GUCA1C: variants seen among roughly 807,000 people sequenced by gnomAD.
GUCA1C encodes guanylate cyclase activator 1C, also known as guanylyl cyclase-activating protein 3.
Under a neutral mutation model 16.2 loss-of-function variants are expected in GUCA1C, and 15 were observed. The observed-to-expected ratio is 0.93, with a 90% CI of 0.62 to 1.43. The LOEUF (loss-of-function observed/expected upper bound fraction) is 1.43, where lower values mean the gene tolerates loss of function less well. Ranked by LOEUF, GUCA1C falls within the 40% of genes most tolerant of loss-of-function variation. The pLI is 0.00. For missense variants in GUCA1C, 275 were observed against 244.8 expected (o/e 1.12, Z -0.82); for synonymous variants, 78 against 85.4 (o/e 0.91, Z 0.48).
upstream of GUCA1C, chr3:108,953,940 C>G (rs2075766): frequency 0.15 from 89,982 of 584,192 alleles, 8,022 homozygotes; most frequent in Admixed American, 0.22. Context: ...ACTTATCTGC[C>G]CAGTTTTAAA....
At chr3:108,931,933 A>T (rs1159698889) in intron 1 of GUCA1C, among the ~76,000 whole-genome samples, 6 of 144,924 alleles carry the variant, frequency 4.1e-5, no homozygotes, top group African/African-American at 1.5e-4. Context: ...CAGTAGTGCA[A>T]TCTGGCCTCC....
chr3:108,931,093 C>T (rs570680211), intron 1 of GUCA1C, among the ~76,000 whole-genome samples: 1 of 152,284 alleles, frequency 6.6e-6, no homozygotes, highest in Admixed American at 6.5e-5. Flanking sequence ...TGTGAATTTA[C>T]CAAAGAGTCA....
intron 1 of GUCA1C, among the ~76,000 whole-genome samples, chr3:108,951,420 AT>A (rs1437881896): frequency 6.6e-6 from 1 of 152,224 alleles, no homozygotes; most frequent in East Asian, 1.9e-4. Context: ...ACACAATAAA[AT>A]TCATTTTAAA....
At chr3:108,932,274 G>T (rs1194217698) in intron 1 of GUCA1C, among the ~76,000 whole-genome samples, 2 of 139,758 alleles carry the variant, frequency 1.4e-5, no homozygotes, top group Non-Finnish European at 3.0e-5. Context: ...TTCCTTGCAT[G>T]AGAATCATAT....
At chr3:108,915,733 A>T (rs1220577060) in intron 3 of GUCA1C, among the ~76,000 whole-genome samples, 1 of 152,194 alleles carries the variant, frequency 6.6e-6, no homozygotes, top group African/African-American at 2.4e-5. Context: ...AGTTTTCTGC[A>T]GTAGGGAAAA....
chr3:108,914,775 T>A (rs1223702585), intron 3 of GUCA1C, among the ~76,000 whole-genome samples: 4 of 152,164 alleles, frequency 2.6e-5, no homozygotes, highest in Non-Finnish European at 5.9e-5. Flanking sequence ...ATGACCACGA[T>A]TTTCAGTGGC....
chr3:108,925,737 A>G (rs1364168988), intron 1 of GUCA1C, among the ~76,000 whole-genome samples: 2 of 152,182 alleles, frequency 1.3e-5, no homozygotes, highest in Non-Finnish European at 2.9e-5. Context: ...GTCCTCCGCT[A>G]TTATTGTGTT....
intron 2 of GUCA1C, among the ~76,000 whole-genome samples, chr3:108,919,274 G>C (rs1461442623): frequency 1.3e-5 from 2 of 151,590 alleles, no homozygotes; most frequent in African/African-American, 4.9e-5. Flanking sequence ...AATGCATTAA[G>C]CATTAAGAAA....
chr3:108,929,240 T>C (rs559999309), intron 1 of GUCA1C, among the ~76,000 whole-genome samples: 64 of 152,322 alleles, frequency 4.2e-4, no homozygotes, highest in Non-Finnish European at 5.4e-4. Flanking sequence ...TGCTGGTATA[T>C]AGGAAAGTGA....
chr3:108,910,300 C>G (rs568091033), intron 3 of GUCA1C, among the ~76,000 whole-genome samples: 11 of 152,158 alleles, frequency 7.2e-5, no homozygotes, highest in Admixed American at 4.6e-4. Flanking sequence ...AGTTCCAGAC[C>G]AGTCTGGCCA....
At chr3:108,952,830 G>T (rs1946907755) in intron 1 of GUCA1C, among the ~76,000 whole-genome samples, 1 of 151,638 alleles carries the variant, frequency 6.6e-6, no homozygotes, top group Admixed American at 6.6e-5. Flanking sequence ...GGCAGAACCT[G>T]AGCCTGATAT....
chr3:108,920,716 T>A (rs1466392188), intron 1 of GUCA1C, 131 bp from the exon 2 acceptor site: 2 of 568,278 alleles, frequency 3.5e-6, no homozygotes, highest in Non-Finnish European at 6.1e-6. Context: ...AGCATAAAAC[T>A]TTTCCCTAGT....
intron 1 of GUCA1C, among the ~76,000 whole-genome samples, chr3:108,922,099 T>C (rs970285560): frequency 5.3e-5 from 8 of 151,962 alleles, no homozygotes; most frequent in Admixed American, 2.6e-4. Flanking sequence ...GTGAATGCCA[T>C]TGTTTCATTA....
intron 2 of GUCA1C, among the ~76,000 whole-genome samples, chr3:108,916,691 G>T (rs185044729): frequency 1.3e-5 from 2 of 152,260 alleles, no homozygotes. Context: ...TGGAATGATT[G>T]ACTGGGGAGA....
intron 1 of GUCA1C, among the ~76,000 whole-genome samples, chr3:108,947,704 C>T (rs1435005495): frequency 6.6e-6 from 1 of 151,916 alleles, no homozygotes; most frequent in Non-Finnish European, 1.5e-5. Flanking sequence ...TGTAGGAGGA[C>T]AGATGAAACA....
chr3:108,948,978 G>C (rs1010221757), intron 1 of GUCA1C, among the ~76,000 whole-genome samples: 5 of 151,968 alleles, frequency 3.3e-5, no homozygotes, highest in African/African-American at 1.2e-4. Flanking sequence ...CTCCCGAGCA[G>C]CTGGGATTAC....
At chr3:108,928,846 C>T (rs184559968) in intron 1 of GUCA1C, among the ~76,000 whole-genome samples, 4 of 152,248 alleles carry the variant, frequency 2.6e-5, no homozygotes, top group East Asian at 1.9e-4. Context: ...TATACTTTTA[C>T]GGTAAGTCTT....
chr3:108,954,426 C>A (rs970884692), upstream of GUCA1C, among the ~76,000 whole-genome samples: 5 of 152,182 alleles, frequency 3.3e-5, no homozygotes, highest in African/African-American at 1.2e-4. Context: ...TGTCTTCTGG[C>A]AGTGTTCTTC....
chr3:108,922,297 A>T (rs1946577624), intron 1 of GUCA1C, among the ~76,000 whole-genome samples: 1 of 152,200 alleles, frequency 6.6e-6, no homozygotes, highest in African/African-American at 2.4e-5. Flanking sequence ...GCTGCCATAC[A>T]CATGCATGTG....
Sources: gnomAD v4.1 joint callset for allele counts (sites outside exome capture counted in the v4.1 genomes callset) on GRCh38, gnomAD v4.1.1 for gene constraint, MANE v1.5 for transcripts, NCBI Gene and HGNC (gene_info 2026-07-23, HGNC 2026-07-21) for gene names.